The following TECR variants were observed in gnomAD, a reference collection of about 807,000 sequenced individuals.
TECR encodes the protein trans-2,3-enoyl-CoA reductase.
TECR carries 19 observed loss-of-function variants against 50.6 expected under a neutral mutation model. The observed-to-expected ratio is 0.38, with a 90% confidence interval of 0.26 to 0.55. The LOEUF is 0.55. Among genes scored for constraint, TECR ranks in the 20% least tolerant of loss-of-function variants. The pLI is 0.79. For missense variants in TECR, 313 were observed against 408.3 expected (o/e 0.77, Z 2.01); for synonymous variants, 168 against 163.5 (o/e 1.03, Z -0.21).
In TECR at chr19:14,538,411, G is replaced by A. The variant is rs562397866; in HGVS notation, c.15+8700G>A. Among the ~76,000 whole-genome samples, 10 of 152,324 alleles carry A rather than the reference G, an allele frequency of 6.6e-5. No individual in the cohort carries two copies. The East Asian group carries it at 1.9e-3, about 29-fold the overall frequency. On this transcript the variant is annotated intron_variant, in intron 1 of 12. Transcript: ENST00000215567. ...CAGCATGCTTCGCGGCCCACAGGCA[G>A]GGTAAAAATCCTTAAGCGGAGAGGG...
At chr19:14,560,838 C>CAA (rs371142207) in intron 1 of TECR, among the ~76,000 whole-genome samples, 19 of 152,280 alleles carry the variant, frequency 1.2e-4, no homozygotes, top group African/African-American at 4.1e-4. Context: ...GGATCTGAAC[C>CAA]AAACCCACGG....
Position 14,563,213 on chromosome 19 carries a change from C to T in TECR, c.74C>T (p.Pro25Leu). Residue 25 changes from proline (P) to leucine (L), a missense_variant, in exon 3 of 13, where the codon CCC becomes CTC. Pro to Leu is a moderately conservative substitution (Grantham distance 98). Coordinates refer to ENST00000215567, the MANE Select transcript of TECR (RefSeq NM_138501.6). This position sits in a 1 kb window ranked among gnomAD's most constrained non-coding sequence, Gnocchi z 5.3. ...EKLCFLDKVE[P>L]HATIAEIKNL... ...CGCCTGTGCTTCCCCCAGGTGGAGCCCCACGCCACCATTGCGGAGATCAAG... is the reference window on the plus strand; with the variant it reads ...CGCCTGTGCTTCCCCCAGGTGGAGCTCCACGCCACCATTGCGGAGATCAAG... 6 of 1,613,670 alleles carry T rather than the reference C, an allele frequency of 3.7e-6. No individual in the cohort carries two copies. Among genetic ancestry groups the T allele is most frequent in the Non-Finnish European group, 5.1e-6 (6 of 1,179,842 alleles).
chr19:14,564,026 C>G lies in TECR; in HGVS notation c.312C>G (p.Leu104=), dbSNP rs2073983840. 2.5e-6 allele frequency: 4 copies of G among 1,614,050 alleles called. No individual in the cohort carries two copies. Among genetic ancestry groups the G allele is most frequent in the Non-Finnish European group, 1.7e-6 (2 of 1,179,968 alleles). The change falls in exon 6 of 13, where the codon CTC becomes CTG. Residue 104 remains leucine (L), a synonymous_variant. Transcript: ENST00000215567. The part of the protein sequence containing the change: ...EYAGPLFIYL[L]FYFRVPFIYG... Reference sequence around the variant, plus strand: ...CGGGGCCCCTTTTCATCTACCTGCTCTTCTACTTCCGAGTGCCCTTCATCT... The same window carrying G: ...CGGGGCCCCTTTTCATCTACCTGCTGTTCTACTTCCGAGTGCCCTTCATCT...
In TECR at chr19:14,561,354, G is replaced by A. The variant is rs77518189; in HGVS notation, c.16-1171G>A. ...GGCTGACTTGGGATCAGGCCTGCCT[G>A]CTTGCCACGACCCCTGTATAATAGG... is the stretch of plus-strand genomic sequence containing the variant. On this transcript the variant is annotated intron_variant, in intron 1 of 12. Coordinates refer to ENST00000215567, the MANE Select transcript of TECR (RefSeq NM_138501.6). Among the ~76,000 whole-genome samples, 202 of 152,264 alleles carry A rather than the reference G, an allele frequency of 1.3e-3. 8 individuals carry two copies. In the East Asian group the frequency reaches 0.034, roughly 25 times the overall value.
intron 1 of TECR, among the ~76,000 whole-genome samples, chr19:14,547,545 C>A (rs1337321740): frequency 6.6e-6 from 1 of 151,944 alleles, no homozygotes; most frequent in Non-Finnish European, 1.5e-5. Context: ...TATTTTCAGT[C>A]GAGATGAGTT....
At chr19:14,537,870 C>T (rs529540508) in intron 1 of TECR, among the ~76,000 whole-genome samples, 5 of 151,822 alleles carry the variant, frequency 3.3e-5, no homozygotes, top group African/African-American at 9.7e-5. Context: ...CTTAGTCTCC[C>T]GAGTAGCTGG....
Position 14,563,777 on chromosome 19 carries a change from A to C in TECR, c.164-23A>C. 6.2e-7 allele frequency: 1 copy of C among 1,612,474 alleles called. No individual in the cohort carries two copies. The highest frequency in any genetic ancestry group is 1.7e-4 in the Middle Eastern group (1 of 5,988). ...TGGGAGAAGGCCCGGGTAGCCCCTG[A>C]GCCCTGGCCCGCCTCTCTGCAGAGG... On this transcript the variant is annotated intron_variant, in intron 4 of 12. Transcript: ENST00000215567. This position sits in a 1 kb window ranked among gnomAD's most constrained non-coding sequence, Gnocchi z 5.3.
At chr19:14,564,316 AGCCCCGCCTTTCTGCCCCACCCC>A in intron 7 of TECR, 29 bp downstream of exon 7, 1 of 1,560,370 alleles carries the variant, frequency 6.4e-7, no homozygotes, top group Non-Finnish European at 8.7e-7. Flanking sequence ...CTCACCCCTA[AGCCCCGCCTTTCTGCCCCACCCC>A]GCCCCGCCCC....
chr19:14,556,413 A>AAAACAAAAAC (rs2073724491), intron 1 of TECR, among the ~76,000 whole-genome samples: 2 of 86,514 alleles, frequency 2.3e-5, no homozygotes, highest in Non-Finnish European at 6.4e-5. Context: ...TCTCTCAAAA[A>AAAACAAAAAC]AAAAACAAAA....
intron 1 of TECR, among the ~76,000 whole-genome samples, chr19:14,561,036 C>T (rs1015502430): frequency 5.3e-5 from 8 of 152,144 alleles, no homozygotes; most frequent in Non-Finnish European, 1.2e-4. Context: ...GGGCTGGTTA[C>T]GGTTCCCGAG....
At chr19:14,537,892 C>CCCA (rs1197594451) in intron 1 of TECR, among the ~76,000 whole-genome samples, 1 of 151,892 alleles carries the variant, frequency 6.6e-6, no homozygotes, top group African/African-American at 2.4e-5. Flanking sequence ...ATTACAGGTG[C>CCCA]CCACCACCAC....
intron 1 of TECR, chr19:14,530,674 A>G (rs893332310): frequency 6.6e-6 from 1 of 152,198 alleles, no homozygotes; most frequent in Non-Finnish European, 1.5e-5. Context: ...CAGGACGCCA[A>G]GGTCTTAGTT....
At chr19:14,538,886 G>C (rs1410434081) in intron 1 of TECR, among the ~76,000 whole-genome samples, 1 of 151,884 alleles carries the variant, frequency 6.6e-6, no homozygotes, top group Non-Finnish European at 1.5e-5. Flanking sequence ...GAGACAGACT[G>C]ATGTCAAATC....
intron 1 of TECR, chr19:14,531,566 T>G (rs1021522758): frequency 2.0e-5 from 3 of 151,406 alleles, no homozygotes; most frequent in African/African-American, 7.3e-5. Context: ...GGAATTACAG[T>G]CATGAGCCAC....
intron 1 of TECR, among the ~76,000 whole-genome samples, chr19:14,537,584 T>C (rs918329103): frequency 2.6e-5 from 4 of 152,110 alleles, no homozygotes; most frequent in African/African-American, 7.2e-5. Flanking sequence ...GCCAGAGACC[T>C]TGAGCTAGTT....
intron 1 of TECR, among the ~76,000 whole-genome samples, chr19:14,535,940 C>T (rs1352329218): frequency 6.6e-6 from 1 of 151,930 alleles, no homozygotes; most frequent in Non-Finnish European, 1.5e-5. Context: ...GGCAGATTCT[C>T]CTGGTGGAGT....
At chr19:14,545,998 G>A (rs1025206725) in intron 1 of TECR, 1 of 152,228 alleles carries the variant, frequency 6.6e-6, no homozygotes, top group Non-Finnish European at 1.5e-5. Flanking sequence ...TGGACTAGGA[G>A]TTGGGACCCT....
rs10422024 is a variant in TECR, at chr19:14,546,233, T to G, written c.16-16292T>G. 3.0e-3 allele frequency among the ~76,000 whole-genome samples: 459 copies of G among 152,042 alleles called. 2 individuals carry two copies. The highest frequency in any genetic ancestry group is 9.7e-3 in the African/African-American group (401 of 41,482). ...TCCGATCATAGATCACACTGAAAGTTTTTGGGCATCTAACTCAGAAGGAAT... is the reference window on the plus strand; with the variant it reads ...TCCGATCATAGATCACACTGAAAGTGTTTGGGCATCTAACTCAGAAGGAAT... On this transcript the variant is annotated intron_variant, in intron 1 of 12. Transcript: ENST00000215567.
intron 1 of TECR, among the ~76,000 whole-genome samples, chr19:14,538,594 G>A (rs967068484): frequency 6.7e-6 from 1 of 149,134 alleles, no homozygotes; most frequent in African/African-American, 2.5e-5. Context: ...GTGCAGTGGC[G>A]TAATCTTGGC....
Sources: gnomAD v4.1 joint callset for allele counts (sites outside exome capture counted in the v4.1 genomes callset) on GRCh38, gnomAD v4.1.1 for gene constraint, Gnocchi (gnomAD v3.1) non-coding constraint, MANE v1.5 for transcripts, NCBI Gene and HGNC (gene_info 2026-07-23, HGNC 2026-07-21) for gene names.